The following PPARGC1A variants were observed in gnomAD, a reference collection of about 807,000 sequenced individuals.
PPARGC1A encodes PPARG coactivator 1 alpha.
PPARGC1A carries 25 observed loss-of-function variants against 88.7 expected under a neutral mutation model. The ratio of observed to expected loss-of-function variants is 0.28; its 90% CI spans 0.21 to 0.39. The LOEUF (loss-of-function observed/expected upper bound fraction) is 0.39. Among genes scored for constraint, PPARGC1A ranks in the 10% least tolerant of loss-of-function variants. The pLI is 1.00. For synonymous variants in PPARGC1A, 363 were observed against 355.6 expected, an observed-to-expected ratio of 1.02 and a Z score of -0.24; for missense variants, 880 against 968.7, an observed-to-expected ratio of 0.91 and a Z score of 1.22.
At chr4:24,015,617 C>T in the PPARGC1A span, among the ~76,000 whole-genome samples, 1 of 152,066 alleles carries the variant, frequency 6.6e-6, no homozygotes, top group African/African-American at 2.4e-5. Flanking sequence ...CAATGCTATT[C>T]TCAGTTCACA....
At chr4:23,815,612 G>T (rs567000857) in intron 7 of PPARGC1A, among the ~76,000 whole-genome samples, 1 of 152,090 alleles carries the variant, frequency 6.6e-6, no homozygotes, top group South Asian at 2.1e-4. Flanking sequence ...TCCGTGAAGC[G>T]TAGTAGTTTC....
chr4:23,929,770 T>C, the PPARGC1A span, among the ~76,000 whole-genome samples: 8 of 152,246 alleles, frequency 5.3e-5, no homozygotes, highest in African/African-American at 1.4e-4. Flanking sequence ...TGCCTTCTGC[T>C]GCAGAGGATT....
chr4:23,958,854 G>A, the PPARGC1A span, among the ~76,000 whole-genome samples: 4 of 151,944 alleles, frequency 2.6e-5, no homozygotes, highest in African/African-American at 4.8e-5. Flanking sequence ...CAATATATTC[G>A]AATAGAATAC....
rs147160198 is a variant in PPARGC1A at position 23,855,773 on chromosome 4, C to T, written c.235-24022G>A. On this transcript the variant is annotated intron_variant, in intron 2 of 12. Transcript: ENST00000264867. ...TGTAAAGCTTCTACAGGGCCCACAT[C>T]AGAGGCACCTAAGCTGTGGTAGGGT... Among the ~76,000 whole-genome samples the T allele has an allele frequency of 4.3e-3, 651 of 152,184 alleles. 4 individuals carry two copies. The highest frequency in any genetic ancestry group is 0.015 in the African/African-American group (621 of 41,522).
the PPARGC1A span, among the ~76,000 whole-genome samples, chr4:24,447,406 G>C: frequency 1.3e-5 from 2 of 152,128 alleles, no homozygotes; most frequent in Non-Finnish European, 2.9e-5. Flanking sequence ...CCAGGGATGC[G>C]GCACTGGAGC....
rs554227651 is a variant in PPARGC1A, at chr4:23,805,569, T to C, written c.2020-3224A>G. Among the ~76,000 whole-genome samples, 165 of 152,202 alleles carry C rather than the reference T, an allele frequency of 1.1e-3. 1 individual carries two copies. The highest frequency in any genetic ancestry group is 1.9e-3 in the Non-Finnish European group (127 of 68,006). On this transcript the variant is annotated intron_variant, in intron 10 of 12. Coordinates refer to ENST00000264867, the MANE Select transcript of PPARGC1A (RefSeq NM_013261.5). ...CATCCTGGCAGTCAGAAAGTAGAAA[T>C]GGATGAAGAGGCACATCCCAGACCA...
the PPARGC1A span, among the ~76,000 whole-genome samples, chr4:24,124,772 G>T: frequency 6.6e-6 from 1 of 152,124 alleles, no homozygotes; most frequent in African/African-American, 2.4e-5. Context: ...GTCCACTGTG[G>T]CTGTGAGAGT....
At chr4:23,804,468 T>A (rs1349497816) in intron 10 of PPARGC1A, among the ~76,000 whole-genome samples, 1 of 152,220 alleles carries the variant, frequency 6.6e-6, no homozygotes, top group Non-Finnish European at 1.5e-5. Flanking sequence ...TGGATCTGTG[T>A]CCATGTTTAT....
rs1214691167 is a variant in PPARGC1A at position 23,886,389 on chromosome 4, C to T, written c.55-1458G>A. ...TGCAGCAGCGTGATCAAAAGCAACA[C>T]GCTGAGAAGTAAGTACTGGGTAATG... On this transcript the variant is annotated intron_variant, in intron 1 of 12. Transcript: ENST00000264867. Among the ~76,000 whole-genome samples the T allele has an allele frequency of 4.6e-5, 7 of 152,214 alleles. No individual in the cohort carries two copies. In the South Asian group the frequency reaches 1.0e-3, roughly 23 times the overall value.
the PPARGC1A span, among the ~76,000 whole-genome samples, chr4:23,926,710 C>G: frequency 1.1e-4 from 17 of 152,186 alleles, no homozygotes; most frequent in African/African-American, 3.9e-4. Context: ...TCTCTTCATT[C>G]TTTAAGAATC....
At chr4:23,895,936 A>G (rs1001774578) in intron 1 of PPARGC1A, among the ~76,000 whole-genome samples, 2 of 130,640 alleles carry the variant, frequency 1.5e-5, no homozygotes, top group Admixed American at 7.7e-5. Flanking sequence ...AATTATAGAG[A>G]TGTGTGTGTG....
At chr4:23,877,496 C>A in intron 2 of PPARGC1A, among the ~76,000 whole-genome samples, 1 of 132,350 alleles carries the variant, frequency 7.6e-6, no homozygotes, top group Non-Finnish European at 1.5e-5. Context: ...TGAGATCTTG[C>A]CATTGCACTC....
At chr4:24,174,633 C>T in the PPARGC1A span, among the ~76,000 whole-genome samples, 3 of 152,172 alleles carry the variant, frequency 2.0e-5, no homozygotes, top group Admixed American at 6.5e-5. Context: ...AAAGACAGAC[C>T]CAAAGCTCAG....
chr4:24,372,726 G>A, the PPARGC1A span, among the ~76,000 whole-genome samples: 1 of 152,114 alleles, frequency 6.6e-6, no homozygotes, highest in African/African-American at 2.4e-5. Context: ...GTGTAGTCTT[G>A]AGCAAGCTAC....
At chr4:24,064,962 G>A in the PPARGC1A span, among the ~76,000 whole-genome samples, 1 of 152,164 alleles carries the variant, frequency 6.6e-6, no homozygotes, top group Non-Finnish European at 1.5e-5. Flanking sequence ...GGGACTTTGT[G>A]CCAGGACAAC....
the PPARGC1A span, among the ~76,000 whole-genome samples, chr4:23,910,391 A>ATATTATATATATTATATC: frequency 4.5e-5 from 5 of 112,120 alleles, no homozygotes; most frequent in Non-Finnish European, 6.8e-5. Flanking sequence ...TATATTATAT[A>ATATTATATATATTATATC]TATTATATAT....
chr4:24,124,138 CG>C, the PPARGC1A span, among the ~76,000 whole-genome samples: 3 of 152,030 alleles, frequency 2.0e-5, no homozygotes, highest in African/African-American at 4.8e-5. Context: ...AAACGATAGC[CG>C]GATACACTAT....
At chr4:24,023,556 T>A in the PPARGC1A span, among the ~76,000 whole-genome samples, 1 of 152,320 alleles carries the variant, frequency 6.6e-6, no homozygotes, top group South Asian at 2.1e-4. Context: ...GTAGTTGATA[T>A]CACAGAAAAC....
chr4:24,127,888 A>G, the PPARGC1A span, among the ~76,000 whole-genome samples: 1 of 152,202 alleles, frequency 6.6e-6, no homozygotes, highest in Non-Finnish European at 1.5e-5. Flanking sequence ...TAAAGGACCA[A>G]TAAGAAGCTC....
Sources: allele counts gnomAD v4.1 joint callset (sites outside exome capture counted in the v4.1 genomes callset), GRCh38; gene constraint gnomAD v4.1.1; transcripts MANE v1.5; gene names NCBI Gene and HGNC (gene_info 2026-07-23, HGNC 2026-07-21).